TM9SF2: variants seen among roughly 807,000 people sequenced by gnomAD.
TM9SF2 encodes the protein 76 kDa membrane protein.
Under a neutral mutation model 84.9 loss-of-function variants are expected in TM9SF2, and 13 were observed. The ratio of observed to expected loss-of-function variants is 0.15; its 90% CI spans 0.10 to 0.24. TM9SF2 has a LOEUF of 0.24. Ranked by LOEUF, TM9SF2 falls within the 10% of genes least tolerant of loss-of-function variation. The probability of loss-of-function intolerance (pLI) is 1.00; values close to 1 mark genes in which losing one functional copy is unlikely to be tolerated. For missense variants in TM9SF2, 562 were observed against 818.5 expected (o/e 0.69, Z 3.82); for synonymous variants, 273 against 285.8 (o/e 0.96, Z 0.45).
chr13:99,548,929 C>T (rs1427530517), intron 11 of TM9SF2, among the ~76,000 whole-genome samples: 1 of 152,190 alleles, frequency 6.6e-6, no homozygotes, highest in African/African-American at 2.4e-5. Context: ...AAGAACTGAT[C>T]TTGATGACTT....
At chr13:99,513,392 C>T (rs1050774460) in intron 1 of TM9SF2, among the ~76,000 whole-genome samples, 1 of 152,084 alleles carries the variant, frequency 6.6e-6, no homozygotes, top group Non-Finnish European at 1.5e-5. Flanking sequence ...TAATGTTTTC[C>T]CTCAATCTTA....
At chr13:99,529,428 AT>A in intron 3 of TM9SF2, 38 bp from the exon 4 acceptor site, 1 of 1,466,596 alleles carries the variant, frequency 6.8e-7, no homozygotes, top group Non-Finnish European at 9.0e-7. Flanking sequence ...AAACCTGGAT[AT>A]TTTTTCTGAA....
At position 99,554,326 on chromosome 13, in the gene TM9SF2, C is replaced by G; in HGVS notation, c.1511C>G (p.Thr504Ser). The change falls in exon 14 of 17, where the codon ACC (threonine) becomes AGC (serine). Residue 504 changes from threonine (T) to serine (S), a missense_variant. By Grantham distance (58) the Thr-to-Ser change is moderately conservative (BLOSUM62 1). Coordinates refer to ENST00000376387, the MANE Select transcript of TM9SF2 (RefSeq NM_004800.3). ...AAGGCCATTGAACACCCAGTTCGAACCAATCAGATTCCACGTCAGATTCCT... is the reference window on the plus strand; with the variant it reads ...AAGGCCATTGAACACCCAGTTCGAAGCAATCAGATTCCACGTCAGATTCCT... The part of the protein sequence containing the change: ...KKNAIEHPVR[T>S]NQIPRQIPEQ... 1 of 1,613,782 alleles carries G rather than the reference C, an allele frequency of 6.2e-7. No individual in the cohort carries two copies. The highest frequency in any genetic ancestry group is 8.5e-7 in the Non-Finnish European group (1 of 1,179,852).
At chr13:99,502,321 C>G (rs2046070028) in intron 1 of TM9SF2, among the ~76,000 whole-genome samples, 2 of 152,194 alleles carry the variant, frequency 1.3e-5, no homozygotes, top group Admixed American at 1.3e-4. Context: ...TTTGATATCT[C>G]GCTTCACAAT....
chr13:99,533,337 A>G (rs367627328), intron 4 of TM9SF2, among the ~76,000 whole-genome samples: 1 of 152,326 alleles, frequency 6.6e-6, no homozygotes, highest in East Asian at 1.9e-4. Flanking sequence ...ATTATTTCTC[A>G]TGTGTGTTTC....
Position 99,544,014 on chromosome 13 carries a change from T to A in TM9SF2, c.1150+19T>A, listed in dbSNP as rs760726556. 3 of 1,607,410 alleles carry A rather than the reference T, an allele frequency of 1.9e-6. No homozygotes were observed. Among genetic ancestry groups the A allele is most frequent in the Middle Eastern group, 1.7e-4 (1 of 6,028 alleles). ...ACTCTATGTAAGTGTTAACTGAAAA[T>A]TTTCAAGTAGAAAATACTTTCTAAA... On this transcript the variant is annotated intron_variant, in intron 10 of 16. Transcript: ENST00000376387.
chr13:99,516,911 TA>T (rs901342528), intron 1 of TM9SF2, among the ~76,000 whole-genome samples: 4 of 152,178 alleles, frequency 2.6e-5, no homozygotes, highest in African/African-American at 4.8e-5. Flanking sequence ...GTGAAAATGC[TA>T]AAAAAATTTG....
At chr13:99,532,301 C>T (rs1462798826) in intron 4 of TM9SF2, among the ~76,000 whole-genome samples, 1 of 152,064 alleles carries the variant, frequency 6.6e-6, no homozygotes, top group African/African-American at 2.4e-5. Context: ...CCGCCCGCCT[C>T]TGCCTCCCAA....
chr13:99,547,395 A>C (rs763292642), intron 11 of TM9SF2, among the ~76,000 whole-genome samples: 2 of 152,134 alleles, frequency 1.3e-5, no homozygotes, highest in Non-Finnish European at 2.9e-5. Flanking sequence ...AACAGCTTAG[A>C]TTTGCTGTGT....
At chr13:99,515,381 G>T (rs1317884281) in intron 1 of TM9SF2, among the ~76,000 whole-genome samples, 4 of 152,214 alleles carry the variant, frequency 2.6e-5, no homozygotes, top group Non-Finnish European at 5.9e-5. Flanking sequence ...CACAACGGTT[G>T]TATGTATTTG....
rs111995141 is a variant in TM9SF2 at position 99,505,355 on chromosome 13, G to A, written c.171+3578G>A. ...TTTAGTAGAGATGGGGTTTCACCAC[G>A]TTGGCCAGGCTTGTCTCGAACTCCT... On this transcript the variant is annotated intron_variant, in intron 1 of 16. Transcript: ENST00000376387. 5.3e-5 allele frequency among the ~76,000 whole-genome samples: 8 copies of A among 152,176 alleles called. 1 individual carries two copies. Among genetic ancestry groups the A allele is most frequent in the African/African-American group, 1.7e-4 (7 of 41,534 alleles).
intron 1 of TM9SF2, among the ~76,000 whole-genome samples, chr13:99,509,472 A>C (rs1446325799): frequency 6.6e-6 from 1 of 152,216 alleles, no homozygotes; most frequent in Non-Finnish European, 1.5e-5. Flanking sequence ...AGAGGCTGCC[A>C]AGCATTCTTC....
chr13:99,538,262 C>T (rs2046242951), intron 6 of TM9SF2, among the ~76,000 whole-genome samples: 1 of 152,028 alleles, frequency 6.6e-6, no homozygotes, highest in African/African-American at 2.4e-5. Context: ...TTCTCAAGCC[C>T]CTATGCAGTG....
At chr13:99,503,942 G>A (rs1248402710) in intron 1 of TM9SF2, among the ~76,000 whole-genome samples, 2 of 152,018 alleles carry the variant, frequency 1.3e-5, no homozygotes, top group African/African-American at 4.8e-5. Context: ...TCATTTTTCC[G>A]AAATGTTTGG....
chr13:99,546,836 A>G, intron 10 of TM9SF2, 149 bp from the exon 11 acceptor site: 1 of 1,093,872 alleles, frequency 9.1e-7, no homozygotes, highest in South Asian at 1.6e-5. Flanking sequence ...TATTACTAAG[A>G]TTGTGTAGAG....
intron 1 of TM9SF2, among the ~76,000 whole-genome samples, chr13:99,503,227 A>C (rs573649240): frequency 6.6e-6 from 1 of 152,216 alleles, no homozygotes; most frequent in African/African-American, 2.4e-5. Context: ...CAGCAGTTGT[A>C]TATTCTATTC....
chr13:99,518,314 T>A (rs1443241030), intron 2 of TM9SF2, among the ~76,000 whole-genome samples: 1 of 152,222 alleles, frequency 6.6e-6, no homozygotes, highest in Admixed American at 6.5e-5. Context: ...TTTCACCATG[T>A]TAGCCAGGCT....
intron 4 of TM9SF2, among the ~76,000 whole-genome samples, chr13:99,534,685 T>G (rs1012424567): frequency 6.6e-6 from 1 of 152,218 alleles, no homozygotes; most frequent in Non-Finnish European, 1.5e-5. Context: ...CAGACAGAAG[T>G]AAAGGAAAGG....
At chr13:99,520,869 C>T (rs915390163) in intron 3 of TM9SF2, among the ~76,000 whole-genome samples, 5 of 152,220 alleles carry the variant, frequency 3.3e-5, no homozygotes, top group Non-Finnish European at 7.3e-5. Context: ...TATGCCTAGC[C>T]TAACCTTTCT....
Sources: gnomAD v4.1 joint callset for allele counts (sites outside exome capture counted in the v4.1 genomes callset) on GRCh38, gnomAD v4.1.1 for gene constraint, MANE v1.5 for transcripts, NCBI Gene and HGNC (gene_info 2026-07-23, HGNC 2026-07-21) for gene names.